CLEC16A: variants seen among roughly 807,000 people sequenced by gnomAD.
The protein encoded by CLEC16A is protein CLEC16A.
Under a neutral mutation model 109.5 loss-of-function variants are expected in CLEC16A, and 51 were observed. The ratio of observed to expected loss-of-function variants is 0.47; its 90% confidence interval spans 0.37 to 0.59. The LOEUF (loss-of-function observed/expected upper bound fraction) is 0.59. CLEC16A is among the 20% of genes least tolerant of loss of function. The probability of loss-of-function intolerance (pLI) is 0.00; values close to 1 mark genes in which losing one functional copy is unlikely to be tolerated. For missense variants in CLEC16A, 1,339 were observed against 1,394.0 expected, an observed-to-expected ratio of 0.96 and a Z score of 0.63; for synonymous variants, 673 against 564.2, an observed-to-expected ratio of 1.19 and a Z score of -2.73.
chr16:10,996,554 T>C (rs16957895), intron 10 of CLEC16A, among the ~76,000 whole-genome samples: 51,803 of 152,062 alleles, frequency 0.34, 9,461 homozygotes, highest in African/African-American at 0.46. Context: ...ATCCAAGACT[T>C]GTATCAGTCA....
At chr16:11,038,515 GTCTTCTGTCACTGCAGGTCCTGTGT>G in intron 13 of CLEC16A, among the ~76,000 whole-genome samples, 1 of 152,152 alleles carries the variant, frequency 6.6e-6, no homozygotes, top group Non-Finnish European at 1.5e-5. Flanking sequence ...GCCCTAACAG[GTCTTCTGTCACTGCAGGTCCTGTGT>G]GCTTCTTTAG....
At position 11,102,803 on chromosome 16, in the gene CLEC16A, A is replaced by G. The variant is rs956529484; in HGVS notation, c.2117-17812A>G. 1.4e-4 allele frequency among the ~76,000 whole-genome samples: 22 copies of G among 152,248 alleles called. 1 individual carries two copies. Among genetic ancestry groups the G allele is most frequent in the African/African-American group, 2.4e-5 (1 of 41,466 alleles). ...AGAGCTGCTGTTACTCCTAAGTGCC[A>G]GGCACTATCCTAGCACCTTACAAAC... is the stretch of plus-strand genomic sequence containing the variant. On this transcript the variant is annotated intron_variant, in intron 19 of 23. Coordinates refer to ENST00000409790, the MANE Select transcript of CLEC16A (RefSeq NM_015226.3).
chr16:11,105,872 G>C (rs913058791), intron 19 of CLEC16A, among the ~76,000 whole-genome samples: 5 of 152,236 alleles, frequency 3.3e-5, no homozygotes, highest in African/African-American at 1.2e-4. Context: ...AGTGAGCATT[G>C]ATACAGTGTC....
In CLEC16A at chr16:11,180,023, C is replaced by T. The variant is rs200415210; in HGVS notation, c.*1333C>T. On this transcript the variant is annotated 3_prime_UTR_variant, in exon 24 of 24. Coordinates refer to ENST00000409790, the MANE Select transcript of CLEC16A (RefSeq NM_015226.3). ...TCCACCAGGGCCAGCGGCCCCTCAC[C>T]TCTCTGGTCACTGGTGAGACCTTCC... The T allele has an allele frequency of 1.3e-5, 2 of 152,534 alleles. No homozygotes were observed. Among genetic ancestry groups the T allele is most frequent in the African/African-American group, 2.4e-5 (1 of 41,476 alleles). The allele number at this position is 152,534 out of a possible 1,614,324, so 9.4% of individuals were successfully genotyped here. A position where few individuals can be genotyped will look rare whatever the true frequency, so the allele number is the denominator to read the frequency against.
intron 19 of CLEC16A, among the ~76,000 whole-genome samples, chr16:11,075,015 T>C (rs929709644): frequency 6.6e-6 from 1 of 152,066 alleles, no homozygotes; most frequent in East Asian, 1.9e-4. Context: ...TCTACAAAAA[T>C]TTTTTTAAAA....
rs201066449 is a variant in CLEC16A at position 11,126,179 on chromosome 16, G to A, written c.2641+33G>A. 26 of 1,613,030 alleles carry A rather than the reference G, an allele frequency of 1.6e-5. No homozygotes were observed. The Admixed American group carries it at 1.8e-4, about 11-fold the overall frequency. On this transcript the variant is annotated intron_variant, in intron 22 of 23. Coordinates refer to ENST00000409790, the MANE Select transcript of CLEC16A (RefSeq NM_015226.3). ...AGCCCCCCGCCCTGCGCCACAGCTC[G>A]TTCATCATGGTGGGCGTTCAAGGTC...
chr16:11,084,870 T>A (rs2049925628), intron 19 of CLEC16A, among the ~76,000 whole-genome samples: 1 of 152,122 alleles, frequency 6.6e-6, no homozygotes, highest in South Asian at 2.1e-4. Context: ...GTGATTTACC[T>A]CGAGGAAAAT....
intron 20 of CLEC16A, among the ~76,000 whole-genome samples, chr16:11,122,141 G>A (rs772635928): frequency 8.5e-5 from 13 of 152,222 alleles, no homozygotes; most frequent in East Asian, 1.9e-4. Flanking sequence ...CTGCCTTGCC[G>A]CAGCCTGACC....
chr16:11,170,546 T>C (rs1354456752), intron 23 of CLEC16A, among the ~76,000 whole-genome samples: 1 of 152,220 alleles, frequency 6.6e-6, no homozygotes, highest in East Asian at 1.9e-4. Flanking sequence ...GGATTTAGGC[T>C]CAGGCTGTCC....
chr16:10,944,797 A>G lies in CLEC16A; in HGVS notation c.80A>G (p.Lys27Arg), dbSNP rs2041256134. The stretch of plus-strand genomic sequence containing the variant: ...AACATCCACTCCTTGGACCACCTCA[A>G]GTGAGTGTGGGGGGCGTAGCGGGAG... ...SRNIHSLDHL[K>R]YLYHVLTKNT... The change falls in exon 1 of 24, where the codon AAG becomes AGG. Residue 27 changes from lysine to arginine, a missense_variant and splice_region_variant. This residue lies in a region of CLEC16A where 117 missense variants were observed against 120.2 expected (regional missense o/e 0.97). Transcript: ENST00000409790. 6.2e-7 allele frequency: 1 copy of G among 1,605,946 alleles called. No homozygotes were observed. Among genetic ancestry groups the G allele is most frequent in the Non-Finnish European group, 8.5e-7 (1 of 1,176,644 alleles).
At chr16:11,040,514 C>CTTTCTTTTTTTTTTTTT (rs1268318578) in intron 14 of CLEC16A, 3 of 101,536 alleles carry the variant, frequency 3.0e-5, no homozygotes, top group South Asian at 3.7e-4. Context: ...TTTTTCTTTT[C>CTTTCTTTTTTTTTTTTT]TTTTTTTTTT....
chr16:10,962,677 T>C (rs1420908268), intron 3 of CLEC16A, 89 bp downstream of exon 3: 2 of 1,405,806 alleles, frequency 1.4e-6, no homozygotes, highest in African/African-American at 2.9e-5. Flanking sequence ...GCGCTTACTA[T>C]TCGTCGGCTC....
At chr16:10,979,095 G>C (rs1338497368) in intron 8 of CLEC16A, among the ~76,000 whole-genome samples, 1 of 152,154 alleles carries the variant, frequency 6.6e-6, no homozygotes, top group Non-Finnish European at 1.5e-5. Context: ...TCATCCGTGA[G>C]TAATGGTGAA....
chr16:10,970,861 C>G (rs1233418312), intron 4 of CLEC16A, among the ~76,000 whole-genome samples: 3 of 152,258 alleles, frequency 2.0e-5, no homozygotes, highest in African/African-American at 7.2e-5. Context: ...AACCTCCCAC[C>G]TCAGCCTCTC....
intron 23 of CLEC16A, among the ~76,000 whole-genome samples, chr16:11,173,024 C>G (rs1458931472): frequency 6.6e-6 from 1 of 152,158 alleles, no homozygotes; most frequent in African/African-American, 2.4e-5. Flanking sequence ...CGGCTTCCCT[C>G]CCATCTGGAC....
intron 19 of CLEC16A, among the ~76,000 whole-genome samples, chr16:11,113,493 T>C (rs1167704293): frequency 6.6e-6 from 1 of 151,858 alleles, no homozygotes; most frequent in Admixed American, 6.6e-5. Flanking sequence ...ACCCCATCTC[T>C]ACAAAAAATA....
At chr16:11,036,544 C>CTTTTTTT (rs71404440) in intron 13 of CLEC16A, among the ~76,000 whole-genome samples, 3 of 131,900 alleles carry the variant, frequency 2.3e-5, no homozygotes, top group East Asian at 2.3e-4. Context: ...TCTAATTTTC[C>CTTTTTTT]TTTTTTTTTT....
chr16:11,034,977 C>G (rs970719225), intron 13 of CLEC16A, among the ~76,000 whole-genome samples: 2 of 152,018 alleles, frequency 1.3e-5, no homozygotes, highest in African/African-American at 2.4e-5. Context: ...GCCGTCTTAC[C>G]TTTCACATGC....
intron 19 of CLEC16A, among the ~76,000 whole-genome samples, chr16:11,092,087 G>A (rs967979254): frequency 1.3e-5 from 2 of 152,134 alleles, no homozygotes; most frequent in African/African-American, 2.4e-5. Context: ...GCTCACGCCT[G>A]TAATTTATCC....
Sources: allele counts gnomAD v4.1 joint callset (sites outside exome capture counted in the v4.1 genomes callset), GRCh38; gene constraint gnomAD v4.1.1; regional missense constraint gnomAD v4.1.1; transcripts MANE v1.5; gene names NCBI Gene and HGNC (gene_info 2026-07-23, HGNC 2026-07-21).